ADARB1: variants seen among roughly 807,000 people sequenced by gnomAD.
ADARB1 encodes the protein adenosine deaminase RNA specific B1, also known as double-stranded RNA-specific editase 1.
ADARB1 carries 10 observed loss-of-function variants against 52.4 expected under a neutral mutation model. The observed-to-expected ratio is 0.19, with a 90% CI of 0.12 to 0.32. The LOEUF (loss-of-function observed/expected upper bound fraction) is 0.32, where lower values mean the gene tolerates loss of function less well. Among genes scored for constraint, ADARB1 ranks in the 10% least tolerant of loss-of-function variants. The pLI, the probability that ADARB1 is intolerant of heterozygous loss-of-function variation, is 1.00. For missense variants in ADARB1, 643 were observed against 922.3 expected (o/e 0.70, Z 3.92); for synonymous variants, 349 against 371.1 (o/e 0.94, Z 0.68).
At chr21:45,135,782 G>T (rs546967390) in intron 2 of ADARB1, among the ~76,000 whole-genome samples, 1 of 152,330 alleles carries the variant, frequency 6.6e-6, no homozygotes, top group East Asian at 1.9e-4. Context: ...CAGCAGAAAG[G>T]TGTGGCCACA....
At chr21:45,083,952 C>G (rs932864450) in intron 1 of ADARB1, among the ~76,000 whole-genome samples, 2 of 152,176 alleles carry the variant, frequency 1.3e-5, no homozygotes, top group Non-Finnish European at 2.9e-5. Flanking sequence ...CCAATTGCCT[C>G]GGCCTCCCAA....
chr21:45,163,045 T>C (rs145974161), intron 2 of ADARB1, among the ~76,000 whole-genome samples: 4,102 of 152,334 alleles, frequency 0.027, 78 homozygotes, highest in Non-Finnish European at 0.042. Context: ...GGCAGGCTGG[T>C]CAGAGGCTTC....
intron 2 of ADARB1, among the ~76,000 whole-genome samples, chr21:45,137,730 G>A (rs1423036470): frequency 6.6e-6 from 1 of 151,878 alleles, no homozygotes; most frequent in Non-Finnish European, 1.5e-5. Flanking sequence ...TGTGATGATG[G>A]TGGCACTGTG....
At chr21:45,083,349 T>C (rs920132162) in intron 1 of ADARB1, among the ~76,000 whole-genome samples, 2 of 152,258 alleles carry the variant, frequency 1.3e-5, no homozygotes, top group African/African-American at 4.8e-5. Flanking sequence ...CATATATTTA[T>C]GCCCCATATG....
rs572927837 is a variant in ADARB1, at chr21:45,158,486, G to A, written c.-47-13124G>A. ...GTAGTGATAATAGGATGGAATAAAT[G>A]CCTTAGATTTGCAAAATTGGGTCAG... On this transcript the variant is annotated intron_variant, in intron 2 of 10. Coordinates refer to ENST00000348831, the MANE Select transcript of ADARB1 (RefSeq NM_001112.4). Among the ~76,000 whole-genome samples the A allele has an allele frequency of 8.8e-4, 134 of 152,304 alleles. 1 individual carries two copies. The South Asian group carries it at 0.027, about 31-fold the overall frequency.
Position 45,222,062 on chromosome 21 carries a change from G to A in ADARB1, c.1971G>A (p.Val657=), listed in dbSNP as rs754035229. ...LLRSKITKPN[V]YHESKLAAKE... ...GCTCCAAGATTACCAAGCCCAACGT[G>A]TACCATGAGTCCAAGCTGGCGGCAA... The change falls in exon 11 of 11, where the codon GTG becomes GTA. Residue 657 remains valine, a synonymous_variant. Coordinates refer to ENST00000348831, the MANE Select transcript of ADARB1 (RefSeq NM_001112.4). The A allele has an allele frequency of 1.9e-6, 3 of 1,613,686 alleles. No individual in the cohort carries two copies. Among genetic ancestry groups the A allele is most frequent in the Non-Finnish European group, 2.5e-6 (3 of 1,179,992 alleles).
intron 1 of ADARB1, among the ~76,000 whole-genome samples, chr21:45,075,066 G>A (rs1348949087): frequency 1.3e-5 from 2 of 151,322 alleles, no homozygotes; most frequent in East Asian, 3.9e-4. Context: ...GAGTCCGCGT[G>A]GGATGCGCCG....
At chr21:45,098,820 T>C (rs2086879994) in intron 1 of ADARB1, among the ~76,000 whole-genome samples, 1 of 152,186 alleles carries the variant, frequency 6.6e-6, no homozygotes, top group East Asian at 1.9e-4. Flanking sequence ...TGTATATTTG[T>C]GTGTGTTTCT....
At chr21:45,183,799 AATCAGAGGTGTATGTGATCCTCCAT>A (rs2092007631) in intron 7 of ADARB1, among the ~76,000 whole-genome samples, 1 of 152,216 alleles carries the variant, frequency 6.6e-6, no homozygotes, top group Admixed American at 6.5e-5. Context: ...AATATCTCTA[AATCAGAGGTGTATGTGATCCTCCAT>A]ATTTCTGAGG....
At chr21:45,158,607 T>C (rs2090795097) in intron 2 of ADARB1, among the ~76,000 whole-genome samples, 1 of 152,078 alleles carries the variant, frequency 6.6e-6, no homozygotes, top group African/African-American at 2.4e-5. Context: ...TGCAGCAGCC[T>C]CATGCCCAGG....
In ADARB1 at chr21:45,225,925, C is replaced by T. The variant is rs779721996; in HGVS notation, c.*3728C>T. 9.5e-5 allele frequency: 20 copies of T among 211,304 alleles called. No individual in the cohort carries two copies. The highest frequency in any genetic ancestry group is 1.8e-4 in the Admixed American group (3 of 16,912). 13.1% of individuals were successfully genotyped at this position (211,304 alleles called of 1,614,324 possible). ...GGTGAGGAGTGGGTGCACCCAGCCC[C>T]GAGGCCAGTGGTTGCTCGGGGCCTT... On this transcript the variant is annotated 3_prime_UTR_variant, in exon 11 of 11. Transcript: ENST00000348831.
intron 2 of ADARB1, among the ~76,000 whole-genome samples, chr21:45,152,268 T>A (rs921592372): frequency 7.5e-6 from 1 of 133,434 alleles, no homozygotes; most frequent in Non-Finnish European, 1.6e-5. Context: ...CTTTGGTACG[T>A]CTGCTGTGGG....
intron 6 of ADARB1, among the ~76,000 whole-genome samples, 176 bp downstream of exon 6, chr21:45,182,929 T>G (rs532732666): frequency 2.0e-5 from 3 of 152,320 alleles, no homozygotes; most frequent in Non-Finnish European, 2.9e-5. Flanking sequence ...AACACACATA[T>G]GCACACATAC....
At chr21:45,147,216 AT>A (rs1406827120) in intron 2 of ADARB1, among the ~76,000 whole-genome samples, 1 of 152,260 alleles carries the variant, frequency 6.6e-6, no homozygotes, top group Non-Finnish European at 1.5e-5. Context: ...GAATAATTAA[AT>A]TAATAAACCT....
chr21:45,093,462 G>A (rs992595876), intron 1 of ADARB1, among the ~76,000 whole-genome samples: 2 of 152,210 alleles, frequency 1.3e-5, no homozygotes, highest in South Asian at 2.1e-4. Context: ...GCTTTCTGTG[G>A]GTGCCGAGCC....
intron 4 of ADARB1, among the ~76,000 whole-genome samples, chr21:45,178,421 C>G (rs1038278552): frequency 6.6e-6 from 1 of 152,232 alleles, no homozygotes; most frequent in African/African-American, 2.4e-5. Flanking sequence ...TCCAGAACCA[C>G]TAGGGCATGA....
intron 9 of ADARB1, among the ~76,000 whole-genome samples, chr21:45,219,484 A>G (rs2092924710): frequency 6.6e-6 from 1 of 152,206 alleles, no homozygotes; most frequent in African/African-American, 2.4e-5. Context: ...AGATCGCACC[A>G]CACACTCCAG....
chr21:45,110,864 T>G (rs1177137550), intron 1 of ADARB1, among the ~76,000 whole-genome samples: 1 of 152,204 alleles, frequency 6.6e-6, no homozygotes, highest in Non-Finnish European at 1.5e-5. Flanking sequence ...AAGGTACTCC[T>G]GAGTGCTGTG....
At chr21:45,216,891 G>A (rs549071874) in intron 9 of ADARB1, among the ~76,000 whole-genome samples, 1 of 151,822 alleles carries the variant, frequency 6.6e-6, no homozygotes, top group Admixed American at 6.6e-5. Flanking sequence ...GTGATTAGAT[G>A]CATAAAAATG....
Sources: allele counts gnomAD v4.1 joint callset (sites outside exome capture counted in the v4.1 genomes callset), GRCh38; gene constraint gnomAD v4.1.1; transcripts MANE v1.5; gene names NCBI Gene and HGNC (gene_info 2026-07-23, HGNC 2026-07-21).